The following GRM4 variants were observed in gnomAD, a reference collection of about 807,000 sequenced individuals.
The protein encoded by GRM4 is metabotropic glutamate receptor 4.
In GRM4, 28 loss-of-function variants were observed where a neutral mutation model predicts 81.7. That is an observed-to-expected ratio of 0.34 (90% CI 0.25 to 0.47). GRM4 has a LOEUF of 0.47. Ranked by LOEUF, GRM4 falls within the 20% of genes least tolerant of loss-of-function variation. GRM4 has a pLI of 1.00. For synonymous variants in GRM4, 488 were observed against 528.8 expected (o/e 0.92, Z 1.06); for missense variants, 948 against 1,290.0 (o/e 0.73, Z 4.06).
In GRM4 at chr6:34,154,274, G is replaced by A. The variant is rs563155076; in HGVS notation, c.312+805C>T. ...CTCCCCGCACACACCTCCCCTCACCGCGGTCCTGCTCCCCGACCCCAGCCC... is the reference window on the plus strand; with the variant it reads ...CTCCCCGCACACACCTCCCCTCACCACGGTCCTGCTCCCCGACCCCAGCCC... On this transcript the variant is annotated intron_variant, in intron 1 of 8. Coordinates refer to the GRM4 transcript ENST00000374177. Among the ~76,000 whole-genome samples, 4 of 152,288 alleles carry A rather than the reference G, an allele frequency of 2.6e-5. No individual in the cohort carries two copies. In the South Asian group the frequency reaches 6.2e-4, roughly 24 times the overall value.
In GRM4 at chr6:34,155,152, GC is replaced by G; in HGVS notation, c.238del (p.Ala80ArgfsTer11). 1 of 1,534,688 alleles carries G rather than the reference GC, an allele frequency of 6.5e-7. No individual in the cohort carries two copies. The highest frequency in any genetic ancestry group is 1.4e-5 in the African/African-American group (1 of 73,128). On this transcript the variant is annotated frameshift_variant, in exon 1 of 9. Transcript: ENST00000374177. LOFTEE classifies it high-confidence loss of function. ...AGGGCTGCTTCCCAGCTGGGCGGCC[GC>G]CCCCTCGGATTCGTGCGCGGCCAGG...
intron 2 of GRM4, among the ~76,000 whole-genome samples, chr6:34,112,244 T>C (rs1393823136): frequency 1.3e-5 from 2 of 152,200 alleles, no homozygotes; most frequent in African/African-American, 4.8e-5. Context: ...TTAAATTAAA[T>C]AGCCCCTTTC....
chr6:34,143,251 C>G (rs1271441858), intron 1 of GRM4, among the ~76,000 whole-genome samples: 5 of 152,168 alleles, frequency 3.3e-5, no homozygotes, highest in Non-Finnish European at 7.3e-5. Context: ...ACATCACGCC[C>G]AGCCCAGTGC....
Position 34,146,064 on chromosome 6 carries a change from A to G in GRM4, c.-428T>C, listed in dbSNP as rs993363640. 6.4e-5 allele frequency: 63 copies of G among 985,010 alleles called. No homozygotes were observed. Among genetic ancestry groups the G allele is most frequent in the Middle Eastern group, 5.2e-4 (1 of 1,916 alleles). The allele number at this position is 985,010 out of a possible 1,614,324, so 61.0% of individuals were successfully genotyped here. ...GGAGGGTCAGGAACATAGCCTCCCT[A>G]ACACACACCCAGAAAAGTACAGCAA... is the stretch of plus-strand genomic sequence containing the variant. On this transcript the variant is annotated 5_prime_UTR_variant, in exon 1 of 11. Transcript: ENST00000538487.
chr6:34,068,372 G>A lies in GRM4; in HGVS notation c.737-6344C>T, dbSNP rs1766596732. On this transcript the variant is annotated intron_variant, in intron 3 of 10. Transcript: ENST00000538487. The surrounding 1 kb of genome is among the most constrained non-coding windows in gnomAD (Gnocchi z 4.2). ...AGTGAGGCGGGACGTGCTGCTAAAT[G>A]AATTCACATTTCTGTCCTGCACGAC... Among the ~76,000 whole-genome samples the A allele has an allele frequency of 2.0e-5, 3 of 152,156 alleles. No individual in the cohort carries two copies. Among genetic ancestry groups the A allele is most frequent in the African/African-American group, 7.2e-5 (3 of 41,438 alleles).
chr6:34,058,954 C>A lies in GRM4; in HGVS notation c.1027+20G>T, dbSNP rs908610004. 6.8e-6 allele frequency: 11 copies of A among 1,606,002 alleles called. No homozygotes were observed. Among genetic ancestry groups the A allele is most frequent in the Non-Finnish European group, 8.5e-6 (10 of 1,177,622 alleles). On this transcript the variant is annotated intron_variant, in intron 5 of 10. Transcript: ENST00000538487. ...AGCAGTCCAGGATGGTGCCGACCAC[C>A]TGCACCCGCCCAGCCTTACCTCGTA...
intron 3 of GRM4, among the ~76,000 whole-genome samples, chr6:34,077,451 C>T (rs976897254): frequency 1.3e-5 from 2 of 152,062 alleles, no homozygotes; most frequent in Admixed American, 1.3e-4. Context: ...CTTTCCAGAC[C>T]ACAGCCCCAC....
At chr6:34,132,832 G>C (rs896524803) in intron 2 of GRM4, 146 bp downstream of exon 2, 4 of 619,474 alleles carry the variant, frequency 6.5e-6, no homozygotes, top group Non-Finnish European at 1.1e-5. Flanking sequence ...CAAATTCTCA[G>C]ACACTGCTCT....
At chr6:34,050,407 T>G (rs191889185) in intron 6 of GRM4, among the ~76,000 whole-genome samples, 1 of 152,298 alleles carries the variant, frequency 6.6e-6, no homozygotes, top group East Asian at 1.9e-4. Context: ...GACGCCGTCC[T>G]CATGGTAATG....
intron 2 of GRM4, among the ~76,000 whole-genome samples, chr6:34,125,232 C>T (rs906356595): frequency 2.0e-5 from 3 of 152,172 alleles, no homozygotes; most frequent in Non-Finnish European, 4.4e-5. Context: ...CTTGGCTTCC[C>T]AAAGGACGCT....
intron 6 of GRM4, chr6:34,054,159 C>CTTT (rs34586228): frequency 3.7e-5 from 5 of 135,956 alleles, no homozygotes; most frequent in Middle Eastern, 3.4e-3. Context: ...GCTCTGTGCT[C>CTTT]TTTTTTTTTT....
intron 2 of GRM4, among the ~76,000 whole-genome samples, chr6:34,105,287 G>A (rs1444541865): frequency 1.3e-5 from 2 of 152,106 alleles, no homozygotes; most frequent in Non-Finnish European, 2.9e-5. Context: ...TTCCACTGGG[G>A]AAAAGGGTCC....
chr6:34,143,045 C>T (rs1362631272), intron 1 of GRM4, among the ~76,000 whole-genome samples: 2 of 152,220 alleles, frequency 1.3e-5, no homozygotes, highest in African/African-American at 4.8e-5. Context: ...CTTCCTCTCC[C>T]GTCTCTCTTA....
rs1771098950 is a variant in GRM4, at chr6:34,154,070, C to CT, written c.312+1008dup. On this transcript the variant is annotated intron_variant, in intron 1 of 8. Coordinates refer to the GRM4 transcript ENST00000374177. ...ACAGCACTCTCCCAAGTGTCACGCTCTGTGTTAAAGGCTAGGCTCTTTCCA... is the reference window on the plus strand; with the variant it reads ...ACAGCACTCTCCCAAGTGTCACGCTCTTGTGTTAAAGGCTAGGCTCTTTCCA... Among the ~76,000 whole-genome samples the CT allele has an allele frequency of 2.0e-5, 3 of 152,262 alleles. No individual in the cohort carries two copies. In the South Asian group the frequency reaches 6.2e-4, roughly 31 times the overall value.
chr6:34,125,790 C>T (rs1018537592), intron 2 of GRM4, among the ~76,000 whole-genome samples: 1 of 152,246 alleles, frequency 6.6e-6, no homozygotes, highest in African/African-American at 2.4e-5. Flanking sequence ...TTCCCAGGCT[C>T]TCACCACAGT....
chr6:34,085,226 C>T (rs1767824268), intron 3 of GRM4, among the ~76,000 whole-genome samples: 1 of 152,202 alleles, frequency 6.6e-6, no homozygotes, highest in Non-Finnish European at 1.5e-5. Context: ...TCCCAGCCAA[C>T]TGGAGACTCA....
chr6:34,049,363 C>T (rs1436940760), intron 6 of GRM4, among the ~76,000 whole-genome samples: 1 of 152,098 alleles, frequency 6.6e-6, no homozygotes, highest in African/African-American at 2.4e-5. Flanking sequence ...CGCTCTGGGC[C>T]CTGCTGCCTC....
chr6:34,154,111 G>A (rs1030336634), intron 1 of GRM4, among the ~76,000 whole-genome samples: 9 of 152,198 alleles, frequency 5.9e-5, no homozygotes, highest in African/African-American at 1.9e-4. Flanking sequence ...ACATTCAGCC[G>A]TATTCAGCCT....
At chr6:34,146,583 T>C (rs1770938289), upstream of GRM4, among the ~76,000 whole-genome samples, 1 of 152,186 alleles carries the variant, frequency 6.6e-6, no homozygotes, top group African/African-American at 2.4e-5. Flanking sequence ...CACCCCAGAC[T>C]GCAGAAGCGG....
Sources: allele counts gnomAD v4.1 joint callset (sites outside exome capture counted in the v4.1 genomes callset), GRCh38; gene constraint gnomAD v4.1.1; non-coding constraint Gnocchi (gnomAD v3.1); transcripts MANE v1.5; gene names NCBI Gene and HGNC (gene_info 2026-07-23, HGNC 2026-07-21).